CD2AP: variants seen among roughly 807,000 people sequenced by gnomAD.
CD2AP encodes CD2 associated protein, also known as CD2-associated protein.
Under a neutral mutation model 85.1 loss-of-function variants are expected in CD2AP, and 46 were observed. The observed-to-expected ratio is 0.54, with a 90% CI of 0.43 to 0.69. The LOEUF (loss-of-function observed/expected upper bound fraction) is 0.69, where lower values mean the gene tolerates loss of function less well. Among genes scored for constraint, CD2AP ranks in the 30% least tolerant of loss-of-function variants. The probability of loss-of-function intolerance (pLI) is 0.00; values close to 1 mark genes in which losing one functional copy is unlikely to be tolerated. For missense variants in CD2AP, 769 were observed against 729.5 expected (o/e 1.05, Z -0.62); for synonymous variants, 255 against 252.9 (o/e 1.01, Z -0.08).
At chr6:47,537,925 A>G (rs963784470) in intron 3 of CD2AP, among the ~76,000 whole-genome samples, 6 of 150,796 alleles carry the variant, frequency 4.0e-5, no homozygotes, top group Admixed American at 6.6e-5. Flanking sequence ...AATTTTTTCT[A>G]TTTTTAGTAG....
chr6:47,488,723 C>CAA (rs57570487), intron 1 of CD2AP, among the ~76,000 whole-genome samples: 5,203 of 133,570 alleles, frequency 0.039, 196 homozygotes, highest in African/African-American at 0.091. Context: ...TCCATCTCTC[C>CAA]AAAAAAAAAA....
rs187078035 is a variant in CD2AP at position 47,627,132 on chromosome 6, T to C, written c.*2905T>C. The C allele has an allele frequency of 2.3e-4, 35 of 152,632 alleles. No individual in the cohort carries two copies. The highest frequency in any genetic ancestry group is 7.9e-4 in the African/African-American group (33 of 41,576). The allele number at this position is 152,632 out of a possible 1,614,324, so 9.5% of individuals were successfully genotyped here. ...CAAAAAGAAAAATTAAAGGATTTTATTGCCAGTCGTGTCAGTCTTTATTGG... is the reference window on the plus strand; with the variant it reads ...CAAAAAGAAAAATTAAAGGATTTTACTGCCAGTCGTGTCAGTCTTTATTGG... On this transcript the variant is annotated 3_prime_UTR_variant, in exon 18 of 18. Coordinates refer to ENST00000359314, the MANE Select transcript of CD2AP (RefSeq NM_012120.3).
chr6:47,579,176 G>T (rs1199775104), intron 8 of CD2AP, among the ~76,000 whole-genome samples: 1 of 151,958 alleles, frequency 6.6e-6, no homozygotes, highest in African/African-American at 2.4e-5. Context: ...AAATCAAGAG[G>T]ATCATTTGAG....
chr6:47,478,188 CACT>C lies in CD2AP; in HGVS notation c.-56_-54del, dbSNP rs1765352661. 11 of 1,553,500 alleles carry C rather than the reference CACT, an allele frequency of 7.1e-6. No individual in the cohort carries two copies. The Admixed American group carries it at 1.9e-4, about 27-fold the overall frequency. Reference sequence around the variant, plus strand: ...CCGCGGGAGCGGCCGCGCGAGCCACCACTGGAGGAGGAGGAGGAGGAGCGGACG... The same window carrying C: ...CCGCGGGAGCGGCCGCGCGAGCCACCGGAGGAGGAGGAGGAGGAGCGGACG... On this transcript the variant is annotated 5_prime_UTR_variant, in exon 1 of 18. Coordinates refer to ENST00000359314, the MANE Select transcript of CD2AP (RefSeq NM_012120.3).
chr6:47,505,892 C>CG (rs1766146250), intron 2 of CD2AP, among the ~76,000 whole-genome samples: 2 of 96,450 alleles, frequency 2.1e-5, no homozygotes, highest in Non-Finnish European at 4.2e-5. Flanking sequence ...GCTGGCCGGG[C>CG]GGGGGGCTGA....
chr6:47,554,888 C>T, intron 5 of CD2AP, 122 bp downstream of exon 5: 1 of 1,013,694 alleles, frequency 9.9e-7, no homozygotes, highest in Non-Finnish European at 1.4e-6. Flanking sequence ...TTCAATTAGT[C>T]TACTTTAAAA....
rs1433710341 is a variant in CD2AP, at chr6:47,478,251, AAG to A, written c.4+7_4+8del. The A allele has an allele frequency of 5.7e-6, 9 of 1,572,580 alleles. No individual in the cohort carries two copies. In the Admixed American group the frequency reaches 1.7e-4, roughly 29 times the overall value. ...CCCCGCGGGAGCCCCCAGCATGGGT[AAG>A]AGACTCGGGCGCTTCCCGCCGCCCG... On this transcript the variant is annotated splice_donor_5th_base_variant and intron_variant, in intron 1 of 17. Transcript: ENST00000359314.
intron 13 of CD2AP, among the ~76,000 whole-genome samples, chr6:47,604,867 G>T (rs768227169): frequency 5.9e-5 from 9 of 151,970 alleles, no homozygotes; most frequent in Non-Finnish European, 1.3e-4. Flanking sequence ...AATCAGCTTA[G>T]TTGATACAAG....
intron 1 of CD2AP, among the ~76,000 whole-genome samples, chr6:47,493,994 TATTA>T (rs1765794907): frequency 6.6e-6 from 1 of 152,034 alleles, no homozygotes; most frequent in South Asian, 2.1e-4. Flanking sequence ...ACCCTTAGCA[TATTA>T]ATCATAGTTA....
chr6:47,596,172 A>G, intron 12 of CD2AP, 146 bp downstream of exon 12: 1 of 668,374 alleles, frequency 1.5e-6, no homozygotes, highest in Non-Finnish European at 2.6e-6. Flanking sequence ...AATTGTGTGT[A>G]TTTATTGTAT....
At chr6:47,533,871 T>C in intron 3 of CD2AP, 116 bp downstream of exon 3, 1 of 1,027,030 alleles carries the variant, frequency 9.7e-7, no homozygotes, top group Non-Finnish European at 1.4e-6. Flanking sequence ...AGTAACTTCC[T>C]GCAAAGTCTC....
chr6:47,586,476 A>G (rs370492851), intron 11 of CD2AP, among the ~76,000 whole-genome samples: 1 of 152,206 alleles, frequency 6.6e-6, no homozygotes, highest in East Asian at 1.9e-4. Flanking sequence ...GGGGACATGA[A>G]AAAACTTAAA....
chr6:47,587,800 T>G (rs1432066148), intron 11 of CD2AP, among the ~76,000 whole-genome samples: 1 of 152,112 alleles, frequency 6.6e-6, no homozygotes, highest in East Asian at 1.9e-4. Flanking sequence ...TATGTCCTCC[T>G]CACTTCCTAT....
Position 47,587,307 on chromosome 6 carries a change from G to T in CD2AP, c.1108+5242G>T, listed in dbSNP as rs558148048. 2.6e-5 allele frequency among the ~76,000 whole-genome samples: 4 copies of T among 152,276 alleles called. No homozygotes were observed. The East Asian group carries it at 7.7e-4, about 29-fold the overall frequency. On this transcript the variant is annotated intron_variant, in intron 11 of 17. Coordinates refer to ENST00000359314, the MANE Select transcript of CD2AP (RefSeq NM_012120.3). Reference sequence around the variant, plus strand: ...CGAAAAGCTCTGTTCTGTCAGAGATGTGGGGCGCAGAAAAGAGCTACTTAG... The same window carrying T: ...CGAAAAGCTCTGTTCTGTCAGAGATTTGGGGCGCAGAAAAGAGCTACTTAG...
At chr6:47,499,435 T>C (rs1765948274) in intron 1 of CD2AP, among the ~76,000 whole-genome samples, 1 of 152,148 alleles carries the variant, frequency 6.6e-6, no homozygotes. Flanking sequence ...TTATTACAAA[T>C]CAGTATCACA....
intron 2 of CD2AP, among the ~76,000 whole-genome samples, chr6:47,517,321 C>T (rs1053505846): frequency 6.6e-6 from 1 of 150,584 alleles, no homozygotes; most frequent in Non-Finnish European, 1.5e-5. Context: ...CTTACTCTGT[C>T]ACCCAGGCGG....
intron 4 of CD2AP, among the ~76,000 whole-genome samples, chr6:47,551,204 T>A (rs943342149): frequency 3.9e-5 from 6 of 151,988 alleles, no homozygotes; most frequent in African/African-American, 9.6e-5. Context: ...GAAAAAAAAA[T>A]TTAAAATAAT....
chr6:47,618,508 A>G (rs1195847971), intron 17 of CD2AP, among the ~76,000 whole-genome samples: 1 of 152,194 alleles, frequency 6.6e-6, no homozygotes, highest in African/African-American at 2.4e-5. Context: ...AATGCTATAT[A>G]CATATTAGAT....
Position 47,575,990 on chromosome 6 carries a change from A to G in CD2AP, c.730-534A>G, listed in dbSNP as rs565511048. On this transcript the variant is annotated intron_variant, in intron 6 of 17. Coordinates refer to ENST00000359314, the MANE Select transcript of CD2AP (RefSeq NM_012120.3). ...ACTTAATGCAGATAGTTATGAGGCTACTAGTCCTATTTGCACTATTTATAT... is the reference window on the plus strand; with the variant it reads ...ACTTAATGCAGATAGTTATGAGGCTGCTAGTCCTATTTGCACTATTTATAT... 3.0e-3 allele frequency among the ~76,000 whole-genome samples: 457 copies of G among 152,316 alleles called. 2 individuals are homozygous for G. Among genetic ancestry groups the G allele is most frequent in the Non-Finnish European group, 4.6e-3 (315 of 68,024 alleles).
Sources: allele counts gnomAD v4.1 joint callset (sites outside exome capture counted in the v4.1 genomes callset), GRCh38; gene constraint gnomAD v4.1.1; transcripts MANE v1.5; gene names NCBI Gene and HGNC (gene_info 2026-07-23, HGNC 2026-07-21).